Variants in DNM1L observed in about 807,000 individuals in gnomAD.
DNM1L encodes dynamin-1-like protein.
Under a neutral mutation model 92.8 loss-of-function variants are expected in DNM1L, and 33 were observed. That is an observed-to-expected ratio of 0.36 (90% CI 0.27 to 0.48). The LOEUF is 0.48. Ranked by LOEUF, DNM1L falls within the 20% of genes least tolerant of loss-of-function variation. DNM1L has a pLI of 0.99. For synonymous variants in DNM1L, 284 were observed against 305.0 expected, an observed-to-expected ratio of 0.93 and a Z score of 0.72; for missense variants, 485 against 888.8, an observed-to-expected ratio of 0.55 and a Z score of 5.78.
intron 1 of DNM1L, among the ~76,000 whole-genome samples, chr12:32,684,522 G>A (rs1951921955): frequency 6.7e-6 from 1 of 148,650 alleles, no homozygotes; most frequent in Non-Finnish European, 1.5e-5. Flanking sequence ...CTGTTGCTCA[G>A]GCTGGAGTGC....
intron 9 of DNM1L, among the ~76,000 whole-genome samples, chr12:32,724,601 T>A (rs868714117): frequency 0.033 from 4,033 of 121,564 alleles, 106 homozygotes; most frequent in Non-Finnish European, 0.046. Context: ...AAAATATATA[T>A]ATATATATAT....
At chr12:32,718,506 G>C (rs1953655750) in intron 6 of DNM1L, 137 bp from the exon 7 acceptor site, 15 of 1,060,034 alleles carry the variant, frequency 1.4e-5, no homozygotes, top group Non-Finnish European at 2.0e-5. Flanking sequence ...GGTAAGTAAG[G>C]CATTACCAAA....
intron 5 of DNM1L, among the ~76,000 whole-genome samples, chr12:32,712,684 A>T (rs1418082182): frequency 6.0e-5 from 9 of 150,576 alleles, no homozygotes; most frequent in Non-Finnish European, 1.0e-4. Context: ...AAAAAGAAAA[A>T]AATCATCTCT....
intron 6 of DNM1L, among the ~76,000 whole-genome samples, chr12:32,715,512 C>T (rs1052200708): frequency 2.6e-5 from 4 of 152,040 alleles, no homozygotes; most frequent in Non-Finnish European, 4.4e-5. Flanking sequence ...GTGAGCGGAT[C>T]GCTTGAGACC....
rs374498228 is a variant in DNM1L at position 32,701,569 on chromosome 12, T to A, written c.250+7T>A. Reference sequence around the variant, plus strand: ...ACAACAGGAGAAGAAAATGGTAAATTTCAGATTTGAGATAATTATTTTACA... The same window carrying A: ...ACAACAGGAGAAGAAAATGGTAAATATCAGATTTGAGATAATTATTTTACA... On this transcript the variant is annotated splice_region_variant and intron_variant, in intron 2 of 19. Transcript: ENST00000549701. The A allele has an allele frequency of 1.5e-4, 244 of 1,610,296 alleles. No individual in the cohort carries two copies. Among genetic ancestry groups the A allele is most frequent in the Non-Finnish European group, 1.9e-4 (221 of 1,176,800 alleles).
rs558679753 is a variant in DNM1L at position 32,690,095 on chromosome 12, G to C, written c.102+10630G>C. On this transcript the variant is annotated intron_variant, in intron 1 of 19. Transcript: ENST00000549701. Reference sequence around the variant, plus strand: ...TTGTAGCTACTCGACTTTCTGGGAAGAACCCAGACATGGGATGTTTAAATC... The same window carrying C: ...TTGTAGCTACTCGACTTTCTGGGAACAACCCAGACATGGGATGTTTAAATC... 3.3e-4 allele frequency among the ~76,000 whole-genome samples: 51 copies of C among 152,328 alleles called. 1 individual carries two copies. In the South Asian group the frequency reaches 0.01, roughly 31 times the overall value.
chr12:32,696,377 C>A (rs911392233), intron 1 of DNM1L, among the ~76,000 whole-genome samples: 1 of 82,582 alleles, frequency 1.2e-5, no homozygotes, highest in Non-Finnish European at 2.5e-5. Context: ...TCTACACACA[C>A]ACACAAACAC....
intron 9 of DNM1L, 90 bp from the exon 10 acceptor site, chr12:32,730,924 G>T: frequency 6.4e-7 from 1 of 1,573,824 alleles, no homozygotes. Flanking sequence ...CAGAAAATAA[G>T]ATGAGCTTAA....
rs551911485 is a variant in DNM1L, at chr12:32,735,864, G to A, written c.1540-1241G>A. 7.2e-5 allele frequency among the ~76,000 whole-genome samples: 11 copies of A among 152,064 alleles called. No homozygotes were observed. In the East Asian group the frequency reaches 1.6e-3, roughly 22 times the overall value. On this transcript the variant is annotated intron_variant, in intron 13 of 19. Coordinates refer to ENST00000549701, the MANE Select transcript of DNM1L (RefSeq NM_012062.5). ...TGCACTCCAGCCTGGGCGACAGAGC[G>A]AGACTCCATTTCAACAAAAAACAAA...
intron 1 of DNM1L, among the ~76,000 whole-genome samples, chr12:32,688,945 C>G (rs1007037225): frequency 6.6e-6 from 1 of 152,104 alleles, no homozygotes; most frequent in Non-Finnish European, 1.5e-5. Context: ...TGCCTGTAGT[C>G]CCTTTTACTT....
At chr12:32,726,961 T>C in intron 9 of DNM1L, 1 of 730,080 alleles carries the variant, frequency 1.4e-6, no homozygotes, top group Middle Eastern at 3.9e-4. Flanking sequence ...AACTTCACTT[T>C]GGTATCTTTC....
At chr12:32,739,906 T>C in intron 16 of DNM1L, 158 bp from the exon 17 acceptor site, 3 of 882,012 alleles carry the variant, frequency 3.4e-6, no homozygotes, top group South Asian at 3.1e-5. Flanking sequence ...GTTCCAGTTA[T>C]ACATGCTACC....
intron 6 of DNM1L, among the ~76,000 whole-genome samples, chr12:32,717,348 TTATATATAG>T (rs1242512983): frequency 7.7e-5 from 5 of 64,874 alleles, no homozygotes; most frequent in African/African-American, 3.8e-4. Context: ...ATACTATATA[TTATATATAG>T]TATATATAAT....
In DNM1L at chr12:32,744,539, C is replaced by A. The variant is rs1955520963; in HGVS notation, c.*1129C>A. The A allele has an allele frequency of 1.5e-5, 3 of 194,146 alleles. No homozygotes were observed. Among genetic ancestry groups the A allele is most frequent in the Non-Finnish European group, 3.1e-5 (3 of 95,864 alleles). 12.0% of individuals were successfully genotyped at this position (194,146 alleles called of 1,614,324 possible). On this transcript the variant is annotated 3_prime_UTR_variant, in exon 20 of 20. Coordinates refer to ENST00000549701, the MANE Select transcript of DNM1L (RefSeq NM_012062.5). ...GACCAGCTTGACCAACATGGAGAAACCCCGTCTCTACTAAAAATACAAAAT... is the reference window on the plus strand; with the variant it reads ...GACCAGCTTGACCAACATGGAGAAAACCCGTCTCTACTAAAAATACAAAAT...
intron 4 of DNM1L, 74 bp downstream of exon 4, chr12:32,708,298 T>C: frequency 3.1e-6 from 3 of 956,780 alleles, no homozygotes; most frequent in Non-Finnish European, 5.0e-6. Context: ...ACATAATATG[T>C]GAAGGGCATT....
At chr12:32,724,593 A>AAAAT (rs1555123432) in intron 9 of DNM1L, among the ~76,000 whole-genome samples, 7 of 66,668 alleles carry the variant, frequency 1.0e-4, no homozygotes, top group South Asian at 4.9e-4. Context: ...AAAAAAAAAA[A>AAAAT]ATATATATAT....
intron 9 of DNM1L, among the ~76,000 whole-genome samples, chr12:32,730,279 G>T (rs1954462959): frequency 1.3e-5 from 2 of 152,228 alleles, no homozygotes; most frequent in Admixed American, 1.3e-4. Context: ...CAGGAGAATC[G>T]CTTGAACCCA....
intron 5 of DNM1L, among the ~76,000 whole-genome samples, chr12:32,712,284 C>T (rs560500862): frequency 2.0e-5 from 3 of 152,244 alleles, no homozygotes; most frequent in African/African-American, 7.2e-5. Context: ...CTACTTGTTA[C>T]GTCCCTATTC....
chr12:32,717,228 A>G (rs1299920171), intron 6 of DNM1L, among the ~76,000 whole-genome samples: 2 of 111,094 alleles, frequency 1.8e-5, no homozygotes, highest in Non-Finnish European at 3.4e-5. Flanking sequence ...TATAGTATAT[A>G]TTATATATAT....
Sources: gnomAD v4.1 joint callset for allele counts (sites outside exome capture counted in the v4.1 genomes callset) on GRCh38, gnomAD v4.1.1 for gene constraint, MANE v1.5 for transcripts, NCBI Gene and HGNC (gene_info 2026-07-23, HGNC 2026-07-21) for gene names.